The following TAF5L variants were observed in gnomAD, a reference collection of about 807,000 sequenced individuals.
TAF5L encodes TATA-box binding protein associated factor 5 like.
In TAF5L, 7 loss-of-function variants were observed where a neutral mutation model predicts 51.3. That is an observed-to-expected ratio of 0.14 (90% confidence interval 0.08 to 0.26). The LOEUF is 0.26. Ranked by LOEUF, TAF5L falls within the 10% of genes least tolerant of loss-of-function variation. The pLI, the probability that TAF5L is intolerant of heterozygous loss-of-function variation, is 1.00. For missense variants in TAF5L, 575 were observed against 758.9 expected, an observed-to-expected ratio of 0.76 and a Z score of 2.85; for synonymous variants, 291 against 308.1, an observed-to-expected ratio of 0.94 and a Z score of 0.58.
At chr1:229,613,856 A>T (rs80348019) in intron 2 of TAF5L, among the ~76,000 whole-genome samples, 14,730 of 152,204 alleles carry the variant, frequency 0.097, 947 homozygotes, top group Non-Finnish European at 0.14. Context: ...AAAACAAATT[A>T]AAAAAACTTC....
At chr1:229,613,176 A>G (rs1355845305) in intron 2 of TAF5L, among the ~76,000 whole-genome samples, 1 of 151,574 alleles carries the variant, frequency 6.6e-6, no homozygotes. Flanking sequence ...AGCAAAAAAA[A>G]AAAAAAATTA....
chr1:229,605,412 G>C (rs2184248), intron 3 of TAF5L, among the ~76,000 whole-genome samples: 1 of 152,092 alleles, frequency 6.6e-6, no homozygotes, highest in Non-Finnish European at 1.5e-5. Flanking sequence ...TTGTACACAG[G>C]ATAATTTTAT....
intron 4 of TAF5L, chr1:229,600,037 GTC>G: frequency 1.0e-6 from 1 of 982,940 alleles, no homozygotes; most frequent in Non-Finnish European, 1.2e-6. Context: ...TGTATTAAGA[GTC>G]TCTATTTTAT....
intron 4 of TAF5L, chr1:229,601,095 A>G (rs2102742670): frequency 1.0e-6 from 1 of 984,666 alleles, no homozygotes; most frequent in Non-Finnish European, 1.2e-6. Context: ...AAGCTTCTAC[A>G]TGGGAATCTA....
chr1:229,609,380 C>T (rs1014289343), intron 3 of TAF5L, among the ~76,000 whole-genome samples: 1 of 152,112 alleles, frequency 6.6e-6, no homozygotes, highest in African/African-American at 2.4e-5. Context: ...TTTATTGCTA[C>T]AGAACTGTAA....
intron 3 of TAF5L, among the ~76,000 whole-genome samples, chr1:229,603,658 T>G (rs917128333): frequency 1.3e-5 from 2 of 152,216 alleles, no homozygotes; most frequent in African/African-American, 4.8e-5. Context: ...AATAAGACCA[T>G]TTTACGTCAT....
chr1:229,600,002 T>G, intron 4 of TAF5L: 5 of 985,496 alleles, frequency 5.1e-6, no homozygotes, highest in Non-Finnish European at 4.8e-6. Context: ...GTTTGGTTTC[T>G]CTAGGTATGT....
At chr1:229,619,459 C>T (rs538041208) in intron 1 of TAF5L, among the ~76,000 whole-genome samples, 24 of 152,144 alleles carry the variant, frequency 1.6e-4, no homozygotes, top group South Asian at 8.3e-4. Flanking sequence ...AAGAATGTGG[C>T]GTTTTGGTGG....
intron 3 of TAF5L, among the ~76,000 whole-genome samples, chr1:229,605,653 A>T (rs1198558550): frequency 6.6e-6 from 1 of 152,018 alleles, no homozygotes; most frequent in African/African-American, 2.4e-5. Flanking sequence ...AAGTCAGTAG[A>T]CTTTGAGTAA....
At chr1:229,618,554 G>A (rs1665088336) in intron 1 of TAF5L, among the ~76,000 whole-genome samples, 2 of 152,120 alleles carry the variant, frequency 1.3e-5, no homozygotes, top group South Asian at 2.1e-4. Context: ...CTTCAACCAA[G>A]TTGCTATATA....
At chr1:229,624,136 A>G (rs1331265105) in intron 1 of TAF5L, among the ~76,000 whole-genome samples, 1 of 152,228 alleles carries the variant, frequency 6.6e-6, no homozygotes, top group Admixed American at 6.5e-5. Flanking sequence ...TGTCCTTCAC[A>G]GGTGCTAATA....
chr1:229,615,548 G>T (rs1664948525), intron 1 of TAF5L, among the ~76,000 whole-genome samples: 1 of 150,874 alleles, frequency 6.6e-6, no homozygotes, highest in Non-Finnish European at 1.5e-5. Context: ...GACCTGAACA[G>T]AAGTAAATTA....
intron 1 of TAF5L, among the ~76,000 whole-genome samples, chr1:229,617,931 AG>A (rs1161053118): frequency 6.6e-6 from 1 of 152,244 alleles, no homozygotes; most frequent in African/African-American, 2.4e-5. Flanking sequence ...ATGGATCTTA[AG>A]GGCAGGAATT....
At chr1:229,593,250 C>T (rs1663983468) in exon 5 of TAF5L, 1 of 152,176 alleles carries the variant, frequency 6.6e-6, no homozygotes, top group Non-Finnish European at 1.5e-5. Context: ...TGCGTGCGTA[C>T]ATACTTACGA....
intron 4 of TAF5L, chr1:229,600,579 CTA>C (rs2102742008): frequency 1.0e-6 from 1 of 985,508 alleles, no homozygotes; most frequent in Non-Finnish European, 1.2e-6. Context: ...TGCCACTACC[CTA>C]GTTTGGCCGC....
intron 2 of TAF5L, chr1:229,614,126 ACAGAGGTTAT>A (rs1664887203): frequency 4.0e-6 from 3 of 745,472 alleles, no homozygotes; most frequent in Non-Finnish European, 6.9e-6. Context: ...CAGGGGAATC[ACAGAGGTTAT>A]CAGAAGTGAC....
chr1:229,596,285 A>T lies in TAF5L; in HGVS notation c.973-1191T>A, dbSNP rs186871905. ...CAAGACCCTGTGCCCAAAAAAACCC[A>T]AAACAAAAACAAACACAAACAAAAC... On this transcript the variant is annotated intron_variant, in intron 4 of 4. Transcript: ENST00000258281. Among the ~76,000 whole-genome samples the T allele has an allele frequency of 3.0e-3, 460 of 152,266 alleles. 1 individual carries two copies. Among genetic ancestry groups the T allele is most frequent in the South Asian group, 6.4e-3 (31 of 4,826 alleles).
chr1:229,626,075 C>T (rs1665454277), upstream of TAF5L: 1 of 151,544 alleles, frequency 6.6e-6, no homozygotes, highest in East Asian at 2.0e-4. Context: ...CGGAGCGGGC[C>T]GCGGGCTGGG....
chr1:229,610,203 T>G (rs373263721), exon 3 of TAF5L: 8 of 1,614,122 alleles, frequency 5.0e-6, no homozygotes, highest in African/African-American at 1.3e-5. Flanking sequence ...AACCAGATTC[T>G]GATTGCACTA....
Sources: allele counts gnomAD v4.1 joint callset (sites outside exome capture counted in the v4.1 genomes callset), GRCh38; gene constraint gnomAD v4.1.1; transcripts MANE v1.5; gene names NCBI Gene and HGNC (gene_info 2026-07-23, HGNC 2026-07-21).